SNED1: variants seen among roughly 807,000 people sequenced by gnomAD.
SNED1 encodes sushi, nidogen and EGF-like domain-containing protein 1.
Under a neutral mutation model 166.7 loss-of-function variants are expected in SNED1, and 81 were observed. That is an observed-to-expected ratio of 0.49 (90% CI 0.41 to 0.58). SNED1 has a LOEUF of 0.58. Among genes scored for constraint, SNED1 ranks in the 20% least tolerant of loss-of-function variants. The pLI is 0.00. For synonymous variants in SNED1, 762 were observed against 822.0 expected, an observed-to-expected ratio of 0.93 and a Z score of 1.25; for missense variants, 1,604 against 2,000.2, an observed-to-expected ratio of 0.80 and a Z score of 3.78.
rs906265754 is a variant in SNED1, at chr2:241,068,686, G to T, written c.3195-225G>T. ...TGACCATACTGTAGCAGCCCCAAGC[G>T]CACCCGATCCTCCTCCGCTGCCCGG... On this transcript the variant is annotated intron_variant, in intron 22 of 31. Coordinates refer to ENST00000310397, the MANE Select transcript of SNED1 (RefSeq NM_001080437.3). This position sits in a 1 kb window ranked among gnomAD's most constrained non-coding sequence, Gnocchi z 5.3. Among the ~76,000 whole-genome samples, 1 of 152,038 alleles carries T rather than the reference G, an allele frequency of 6.6e-6. No individual in the cohort carries two copies. Among genetic ancestry groups the T allele is most frequent in the African/African-American group, 2.4e-5 (1 of 41,398 alleles).
intron 3 of SNED1, among the ~76,000 whole-genome samples, chr2:241,034,214 C>T (rs942623144): frequency 3.3e-5 from 5 of 152,236 alleles, no homozygotes; most frequent in Non-Finnish European, 5.9e-5. Flanking sequence ...CAGGAAACCC[C>T]GGGTGTGGAG....
intron 16 of SNED1, 112 bp downstream of exon 16, chr2:241,053,438 C>T: frequency 9.2e-7 from 1 of 1,090,004 alleles, no homozygotes; most frequent in South Asian, 1.5e-5. Context: ...CAGCTCTGAC[C>T]TGGTCCTGCC....
chr2:241,080,307 T>C (rs780617103), intron 27 of SNED1, among the ~76,000 whole-genome samples: 2 of 152,148 alleles, frequency 1.3e-5, no homozygotes, highest in Non-Finnish European at 2.9e-5. Context: ...AAAATCTTGT[T>C]TGTCTTTTGA....
chr2:241,062,496 CCT>C (rs2062266615), intron 16 of SNED1, among the ~76,000 whole-genome samples: 1 of 152,142 alleles, frequency 6.6e-6, no homozygotes, highest in South Asian at 2.1e-4. Flanking sequence ...CTGTCAAACC[CCT>C]GAGGCCTTTG....
At chr2:241,066,970 G>A (rs1185041549) in intron 21 of SNED1, among the ~76,000 whole-genome samples, 4 of 152,230 alleles carry the variant, frequency 2.6e-5, no homozygotes, top group Non-Finnish European at 4.4e-5. Context: ...GAGCCTGGGC[G>A]CATGTGCGGG....
intron 6 of SNED1, among the ~76,000 whole-genome samples, chr2:241,039,229 A>G (rs2061456961): frequency 6.6e-6 from 1 of 152,176 alleles, no homozygotes; most frequent in Non-Finnish European, 1.5e-5. Flanking sequence ...AGTTGGGGTC[A>G]GGGAGACAGG....
At chr2:241,023,571 T>G (rs2060832176) in intron 1 of SNED1, among the ~76,000 whole-genome samples, 1 of 152,220 alleles carries the variant, frequency 6.6e-6, no homozygotes, top group African/African-American at 2.4e-5. Context: ...CATATTATCT[T>G]TGTCTGTGCC....
In SNED1 at chr2:240,999,007, C is replaced by T. The variant is rs1292920880; in HGVS notation, c.170C>T (p.Ser57Leu). The T allele has an allele frequency of 3.8e-6, 5 of 1,325,684 alleles. No homozygotes were observed. The highest frequency in any genetic ancestry group is 6.6e-5 in the East Asian group (2 of 30,266). The allele number at this position is 1,325,684 out of a possible 1,614,324, so 82.1% of individuals were successfully genotyped here. The change falls in exon 1 of 32, where the codon TCG (serine) becomes TTG (leucine). Residue 57 changes from serine (S) to leucine (L), a missense_variant. This residue lies in a region of SNED1 where 1,237 missense variants were observed against 1,620.8 expected (regional missense o/e 0.76). Transcript: ENST00000310397. The surrounding 1 kb of genome is among the most constrained non-coding windows in gnomAD (Gnocchi z 5.8). The stretch of plus-strand genomic sequence containing the variant: ...GGCGGCTCGGGGCTGCGGCCGCTCT[C>T]GGTGCCCTTCCCGTTCTTCGGTGCC... ...DDGGSGLRPL[S>L]VPFPFFGAEH...
chr2:241,078,357 T>C lies in SNED1; in HGVS notation c.3917-3320T>C, dbSNP rs115668529. Among the ~76,000 whole-genome samples the C allele has an allele frequency of 2.9e-3, 398 of 138,794 alleles. 8 individuals carry two copies. The highest frequency in any genetic ancestry group is 0.011 in the African/African-American group (379 of 35,194). 91.1% of individuals were successfully genotyped at this position (138,794 alleles called of 152,430 possible). On this transcript the variant is annotated intron_variant, in intron 27 of 31. Coordinates refer to ENST00000310397, the MANE Select transcript of SNED1 (RefSeq NM_001080437.3). ...GAGATCGCGCCACTGCACTGCAGCC[T>C]GGGAGACAGAACTAGACTCCGTCTC...
At chr2:241,007,695 A>G (rs1232507881) in intron 1 of SNED1, among the ~76,000 whole-genome samples, 1 of 152,180 alleles carries the variant, frequency 6.6e-6, no homozygotes, top group Non-Finnish European at 1.5e-5. Context: ...ACCATCTCAT[A>G]TGGGTCTCTG....
intron 16 of SNED1, among the ~76,000 whole-genome samples, chr2:241,054,534 C>T (rs1004422553): frequency 6.6e-6 from 1 of 152,150 alleles, no homozygotes; most frequent in Non-Finnish European, 1.5e-5. Flanking sequence ...TGCCACTGTA[C>T]TCCAGCCTGG....
intron 17 of SNED1, 85 bp downstream of exon 17, chr2:241,062,989 C>A: frequency 1.2e-6 from 1 of 857,992 alleles, no homozygotes; most frequent in Non-Finnish European, 1.8e-6. Context: ...GGACAGGTCT[C>A]TGTCTGGATG....
chr2:241,037,192 C>T (rs776791229), intron 5 of SNED1, 48 bp from the exon 6 acceptor site: 11 of 1,465,416 alleles, frequency 7.5e-6, no homozygotes, highest in Non-Finnish European at 1.0e-5. Flanking sequence ...GAGAAAACTC[C>T]TCATCCGGGT....
At chr2:241,044,910 T>C (rs1430709540) in intron 8 of SNED1, among the ~76,000 whole-genome samples, 1 of 152,124 alleles carries the variant, frequency 6.6e-6, no homozygotes, top group East Asian at 1.9e-4. Context: ...CTGAAAAAGG[T>C]AGCCCCAGAA....
At chr2:241,087,593 C>G (rs906183968) in intron 30 of SNED1, 118 bp downstream of exon 30, 2 of 1,452,614 alleles carry the variant, frequency 1.4e-6, no homozygotes, top group African/African-American at 2.9e-5. Flanking sequence ...GGTCTACTCG[C>G]CCAGATAGGC....
chr2:241,055,601 G>A (rs1316812813), intron 16 of SNED1, among the ~76,000 whole-genome samples: 2 of 152,218 alleles, frequency 1.3e-5, no homozygotes, highest in African/African-American at 4.8e-5. Context: ...TGAGGAGGCA[G>A]AGAAGTTGAG....
chr2:241,048,750 G>T lies in SNED1; in HGVS notation c.1488G>T (p.Gly496=). The T allele has an allele frequency of 6.2e-7, 1 of 1,611,320 alleles. No individual in the cohort carries two copies. The highest frequency in any genetic ancestry group is 8.5e-7 in the Non-Finnish European group (1 of 1,178,920). The change falls in exon 10 of 32, where the codon GGG becomes GGT. Residue 496 remains glycine, a synonymous_variant. Coordinates refer to ENST00000310397, the MANE Select transcript of SNED1 (RefSeq NM_001080437.3). ...GCCAGTGCCCCCTGGGATTCTTTGGGCTTCTCTGTGAATTTGGTAGGTGCC... is the reference window on the plus strand; with the variant it reads ...GCCAGTGCCCCCTGGGATTCTTTGGTCTTCTCTGTGAATTTGGTAGGTGCC... The part of the protein sequence containing the change: ...TLCQCPLGFF[G]LLCEFEITAM...
At chr2:241,060,929 C>CA (rs199921776) in intron 16 of SNED1, among the ~76,000 whole-genome samples, 4,027 of 141,088 alleles carry the variant, frequency 0.029, 335 homozygotes, top group East Asian at 0.22. Context: ...GACCCTGTCT[C>CA]AAAAAAAAAC....
intron 4 of SNED1, among the ~76,000 whole-genome samples, chr2:241,036,531 G>C (rs2061375397): frequency 6.6e-6 from 1 of 152,102 alleles, no homozygotes; most frequent in African/African-American, 2.4e-5. Context: ...ACGGGGTGCT[G>C]GTGTGAGTCG....
Sources: gnomAD v4.1 joint callset for allele counts (sites outside exome capture counted in the v4.1 genomes callset) on GRCh38, gnomAD v4.1.1 for gene constraint, gnomAD v4.1.1 regional missense constraint, Gnocchi (gnomAD v3.1) non-coding constraint, MANE v1.5 for transcripts, NCBI Gene and HGNC (gene_info 2026-07-23, HGNC 2026-07-21) for gene names.